Variants in SLC36A1 observed in about 807,000 individuals in gnomAD.
SLC36A1 encodes proton-coupled amino acid transporter 1.
A neutral mutation model predicts 47.5 loss-of-function variants in SLC36A1; 30 were observed. That is an observed-to-expected ratio of 0.63 (90% CI 0.47 to 0.86). SLC36A1 has a LOEUF of 0.86. SLC36A1 is among the 40% of genes least tolerant of loss of function. The probability of loss-of-function intolerance (pLI) is 0.00; values close to 1 mark genes in which losing one functional copy is unlikely to be tolerated. For missense variants in SLC36A1, 517 were observed against 606.0 expected (o/e 0.85, Z 1.54); for synonymous variants, 255 against 249.7 (o/e 1.02, Z -0.20).
upstream of SLC36A1, among the ~76,000 whole-genome samples, chr5:151,434,830 G>A (rs1759674702): frequency 6.6e-6 from 1 of 152,160 alleles, no homozygotes; most frequent in South Asian, 2.1e-4. Context: ...ACCAGACACA[G>A]GATCGGCTGG....
At chr5:151,385,009 A>AGAGAGAGGGTGTGTGTGTGT in the SLC36A1 span, among the ~76,000 whole-genome samples, 1 of 128,466 alleles carries the variant, frequency 7.8e-6, no homozygotes, top group Non-Finnish European at 1.6e-5. Flanking sequence ...AGAGAGAGAG[A>AGAGAGAGGGTGTGTGTGTGT]GTGTGTGTGT....
Position 151,467,785 on chromosome 5 carries a change from C to T in SLC36A1, c.583C>T (p.Arg195Ter), listed in dbSNP as rs1561757835. The T allele has an allele frequency of 1.9e-6, 3 of 1,613,920 alleles. No individual in the cohort carries two copies. Among genetic ancestry groups the T allele is most frequent in the Admixed American group, 1.7e-5 (1 of 59,992 alleles). Residue 195 changes from arginine (R) to a stop codon, truncating the protein, a stop_gained, in exon 7 of 11, where the codon CGA becomes TGA. Transcript: ENST00000243389. LOFTEE classifies it high-confidence loss of function. ...TVILTPTMDSRLYMLSFLPFL... is the reference protein window; with the variant it reads ...TVILTPTMDS ...GATTCTGACGCCTACCATGGACTCG[C>T]GACTCTACATGCTCTCCTTCCTGCC...
chr5:151,496,665 C>T (rs1760351777), downstream of SLC36A1, among the ~76,000 whole-genome samples: 2 of 152,322 alleles, frequency 1.3e-5, no homozygotes, highest in South Asian at 4.1e-4. Context: ...AAGCGATTCT[C>T]CTGTCTCAGC....
the SLC36A1 span, among the ~76,000 whole-genome samples, chr5:151,391,729 G>A: frequency 2.0e-5 from 3 of 152,174 alleles, no homozygotes; most frequent in Non-Finnish European, 4.4e-5. Flanking sequence ...TGTTGAACCA[G>A]CCTTGCATCC....
the SLC36A1 span, chr5:151,546,031 T>A: frequency 6.2e-7 from 1 of 1,614,180 alleles, no homozygotes; most frequent in South Asian, 1.1e-5. Context: ...GACTCCATCC[T>A]TATTTCCCTC....
chr5:151,358,950 C>T, the SLC36A1 span, among the ~76,000 whole-genome samples: 10 of 130,702 alleles, frequency 7.7e-5, no homozygotes, highest in Non-Finnish European at 9.2e-5. Context: ...GTCCGCAGTC[C>T]GGCCTGGGCG....
the SLC36A1 span, chr5:151,531,750 G>A: frequency 6.2e-6 from 10 of 1,613,342 alleles, no homozygotes; most frequent in South Asian, 2.2e-5. This position sits in a 1 kb window ranked among gnomAD's most constrained non-coding sequence, Gnocchi z 5.7. Flanking sequence ...TCAGGAACAC[G>A]GGCAGGTAGT....
the SLC36A1 span, chr5:151,540,444 C>G: frequency 1.6e-6 from 1 of 623,694 alleles, no homozygotes; most frequent in Non-Finnish European, 2.7e-6. Context: ...TTCTCCTGCC[C>G]CTCACTCTCT....
chr5:151,383,571 A>AGTT, the SLC36A1 span, among the ~76,000 whole-genome samples: 1 of 132,448 alleles, frequency 7.6e-6, no homozygotes. Context: ...TTTAACTTAA[A>AGTT]TTTTTTTTTT....
intron 8 of SLC36A1, among the ~76,000 whole-genome samples, chr5:151,475,375 G>T (rs1450027594): frequency 6.6e-6 from 1 of 152,194 alleles, no homozygotes; most frequent in Non-Finnish European, 1.5e-5. Context: ...AAGTTATTCT[G>T]CAAACATCAT....
chr5:151,383,260 G>A, the SLC36A1 span, among the ~76,000 whole-genome samples: 2 of 152,154 alleles, frequency 1.3e-5, no homozygotes, highest in Non-Finnish European at 2.9e-5. Flanking sequence ...GCAGGGATAG[G>A]TGCCACAGCA....
intron 2 of SLC36A1, among the ~76,000 whole-genome samples, chr5:151,462,746 T>G (rs907717807): frequency 6.6e-6 from 1 of 152,034 alleles, no homozygotes; most frequent in African/African-American, 2.4e-5. Flanking sequence ...GCTGTTCACT[T>G]TGTATCTTTC....
chr5:151,488,695 G>T lies in SLC36A1; in HGVS notation c.*441G>T. The stretch of plus-strand genomic sequence containing the variant: ...GGAACGCCCCCTCTTTATAAAGCTG[G>T]GCTTCTTTCTCATCTCTCTCCCAAA... On this transcript the variant is annotated 3_prime_UTR_variant, in exon 11 of 11. Coordinates refer to ENST00000243389, the MANE Select transcript of SLC36A1 (RefSeq NM_078483.4). The T allele has an allele frequency of 6.0e-6, 1 of 167,878 alleles. No individual in the cohort carries two copies. The allele number at this position is 167,878 out of a possible 1,614,324, so 10.4% of individuals were successfully genotyped here. A position where few individuals can be genotyped will look rare whatever the true frequency, so the allele number is the denominator to read the frequency against.
At chr5:151,505,549 C>T in the SLC36A1 span, 1 of 1,613,948 alleles carries the variant, frequency 6.2e-7, no homozygotes, top group Non-Finnish European at 8.5e-7. Context: ...GCCTGCCTTG[C>T]TCTGGGAATG....
At chr5:151,535,440 A>T in the SLC36A1 span, among the ~76,000 whole-genome samples, 164 of 152,192 alleles carry the variant, frequency 1.1e-3, 3 homozygotes, top group Admixed American at 4.6e-4. Context: ...TCCCATAACA[A>T]CCCAAGATGA....
At chr5:151,543,212 C>A in the SLC36A1 span, 1 of 1,614,180 alleles carries the variant, frequency 6.2e-7, no homozygotes, top group South Asian at 1.1e-5. Flanking sequence ...ACACCAGTGA[C>A]TGGGTTAATT....
At chr5:151,381,610 AG>A in the SLC36A1 span, among the ~76,000 whole-genome samples, 1 of 152,198 alleles carries the variant, frequency 6.6e-6, no homozygotes, top group Non-Finnish European at 1.5e-5. Flanking sequence ...ACTGGTCCTA[AG>A]ATCAGTTCTT....
At chr5:151,512,277 C>T in the SLC36A1 span, 51 of 1,614,106 alleles carry the variant, frequency 3.2e-5, no homozygotes, top group African/African-American at 4.0e-5. This position sits in a 1 kb window ranked among gnomAD's most constrained non-coding sequence, Gnocchi z 4.1. Context: ...AGCCTGCCAC[C>T]GTCTTGCCAG....
chr5:151,421,172 C>CCT, the SLC36A1 span, among the ~76,000 whole-genome samples: 13 of 139,540 alleles, frequency 9.3e-5, no homozygotes, highest in South Asian at 2.3e-4. Flanking sequence ...CACGCCCTTT[C>CCT]TCTCCTTCCT....
Sources: gnomAD v4.1 joint callset for allele counts (sites outside exome capture counted in the v4.1 genomes callset) on GRCh38, gnomAD v4.1.1 for gene constraint, Gnocchi (gnomAD v3.1) non-coding constraint, MANE v1.5 for transcripts, NCBI Gene and HGNC (gene_info 2026-07-23, HGNC 2026-07-21) for gene names.